DNM3: variants seen among roughly 807,000 people sequenced by gnomAD.
DNM3 encodes dynamin 3.
In DNM3, 47 loss-of-function variants were observed where a neutral mutation model predicts 101.6. The ratio of observed to expected loss-of-function variants is 0.46; its 90% CI spans 0.37 to 0.59. The LOEUF (loss-of-function observed/expected upper bound fraction) is 0.59, where lower values mean the gene tolerates loss of function less well. Among genes scored for constraint, DNM3 ranks in the 20% least tolerant of loss-of-function variants. The pLI is 0.00. For missense variants in DNM3, 849 were observed against 1,085.7 expected (o/e 0.78, Z 3.06); for synonymous variants, 385 against 387.9 (o/e 0.99, Z 0.09).
chr1:172,005,959 G>T (rs546760173), intron 4 of DNM3, among the ~76,000 whole-genome samples: 1 of 152,162 alleles, frequency 6.6e-6, no homozygotes, highest in Admixed American at 6.6e-5. Context: ...TCCTCCTGTT[G>T]CTGATAAGAA....
At chr1:172,136,996 G>T (rs1334273194) in intron 14 of DNM3, 1 of 152,076 alleles carries the variant, frequency 6.6e-6, no homozygotes, top group Non-Finnish European at 1.5e-5. Flanking sequence ...TGTTATCCTG[G>T]AGTGCCTCAC....
chr1:172,068,375 A>T (rs1201750941), intron 10 of DNM3, among the ~76,000 whole-genome samples: 1 of 152,138 alleles, frequency 6.6e-6, no homozygotes, highest in Non-Finnish European at 1.5e-5. Flanking sequence ...GTTAATAATT[A>T]TATCTGTCTT....
chr1:172,404,004 T>A (rs1427060080), intron 20 of DNM3, among the ~76,000 whole-genome samples: 1 of 152,162 alleles, frequency 6.6e-6, no homozygotes, highest in Non-Finnish European at 1.5e-5. Context: ...TAGCATTGCA[T>A]ATTAAGAAAA....
intron 1 of DNM3, among the ~76,000 whole-genome samples, chr1:171,878,686 AT>A (rs1262974135): frequency 6.6e-5 from 10 of 152,092 alleles, no homozygotes; most frequent in African/African-American, 2.4e-4. Flanking sequence ...TTTATATCAT[AT>A]TTTTATGTGA....
intron 17 of DNM3, among the ~76,000 whole-genome samples, chr1:172,353,505 G>A (rs2067287676): frequency 6.6e-6 from 1 of 152,068 alleles, no homozygotes; most frequent in African/African-American, 2.4e-5. Context: ...AGAGCCCCTA[G>A]CTGAAATGTA....
In DNM3 at chr1:172,408,183, C is replaced by T. The variant is rs965137371; in HGVS notation, c.*342C>T. The T allele has an allele frequency of 9.3e-6, 10 of 1,076,094 alleles. No homozygotes were observed. The Admixed American group carries it at 1.4e-4, about 15-fold the overall frequency. The allele number at this position is 1,076,094 out of a possible 1,614,324, so 66.7% of individuals were successfully genotyped here. On this transcript the variant is annotated 3_prime_UTR_variant, in exon 21 of 21. Transcript: ENST00000627582. The stretch of plus-strand genomic sequence containing the variant: ...GCTATCTACCAGGTAGCTCATTAAA[C>T]GTAATTCTTCAGATATGAGATAGTG...
At chr1:172,226,039 A>G (rs1029625059) in intron 14 of DNM3, among the ~76,000 whole-genome samples, 1 of 152,188 alleles carries the variant, frequency 6.6e-6, no homozygotes, top group South Asian at 2.1e-4. Context: ...CCAGCATCCT[A>G]TAAGTTTAGT....
At chr1:171,844,738 A>G (rs1198101581) in intron 1 of DNM3, among the ~76,000 whole-genome samples, 1 of 152,238 alleles carries the variant, frequency 6.6e-6, no homozygotes, top group African/African-American at 2.4e-5. Flanking sequence ...TGGCAATGAG[A>G]GGCAGCTTAA....
chr1:171,935,283 A>G (rs901515328), intron 2 of DNM3, among the ~76,000 whole-genome samples: 4 of 152,166 alleles, frequency 2.6e-5, no homozygotes, highest in African/African-American at 7.2e-5. Context: ...CCGAGCCAAA[A>G]AATTAGAGGC....
At chr1:172,039,724 C>T (rs1291940427) in intron 7 of DNM3, among the ~76,000 whole-genome samples, 2 of 151,976 alleles carry the variant, frequency 1.3e-5, no homozygotes, top group Non-Finnish European at 1.5e-5. Flanking sequence ...TTCTTTATGG[C>T]CCTATTCTTT....
At chr1:172,209,895 A>G (rs975043093) in intron 14 of DNM3, among the ~76,000 whole-genome samples, 17 of 152,270 alleles carry the variant, frequency 1.1e-4, no homozygotes, top group African/African-American at 4.1e-4. Flanking sequence ...GTAAGATGAT[A>G]TAATACAACC....
At chr1:172,355,693 C>T (rs1426217698) in intron 17 of DNM3, among the ~76,000 whole-genome samples, 1 of 152,050 alleles carries the variant, frequency 6.6e-6, no homozygotes, top group Non-Finnish European at 1.5e-5. Flanking sequence ...AGCTCCTATA[C>T]ACGATTGGAT....
chr1:172,334,761 G>T (rs960468910), intron 17 of DNM3, among the ~76,000 whole-genome samples: 1 of 152,068 alleles, frequency 6.6e-6, no homozygotes, highest in Non-Finnish European at 1.5e-5. Flanking sequence ...TAACCAAACA[G>T]ATTTTCATAC....
chr1:172,121,099 A>T (rs2148012625), intron 13 of DNM3, among the ~76,000 whole-genome samples: 1 of 152,342 alleles, frequency 6.6e-6, no homozygotes, highest in South Asian at 2.1e-4. Context: ...GAATGTGAGA[A>T]ATAGATGACA....
chr1:172,147,163 T>C (rs756843921), intron 14 of DNM3, among the ~76,000 whole-genome samples: 2 of 152,246 alleles, frequency 1.3e-5, no homozygotes, highest in Non-Finnish European at 2.9e-5. Context: ...TACCAGCAAC[T>C]GGGCATACAA....
rs920422128 is a variant in DNM3, at chr1:172,180,028, A to G, written c.1659+48740A>G. On this transcript the variant is annotated intron_variant, in intron 14 of 20. Coordinates refer to ENST00000627582, the MANE Select transcript of DNM3 (RefSeq NM_015569.5). The stretch of plus-strand genomic sequence containing the variant: ...TATCATACCGTGTCTCTGAGTTCTG[A>G]GTCAAATTTGCAGTGTTTTTGAAGC... 9.2e-5 allele frequency among the ~76,000 whole-genome samples: 14 copies of G among 151,982 alleles called. 1 individual carries two copies. The highest frequency in any genetic ancestry group is 2.1e-4 in the Non-Finnish European group (14 of 67,970).
intron 4 of DNM3, among the ~76,000 whole-genome samples, chr1:172,021,224 A>G (rs1284001837): frequency 1.3e-5 from 2 of 152,184 alleles, no homozygotes; most frequent in Non-Finnish European, 1.5e-5. Context: ...TAATCTCAAT[A>G]CTTTGGGAGG....
chr1:171,917,095 G>A (rs1272319868), intron 1 of DNM3, among the ~76,000 whole-genome samples: 1 of 152,096 alleles, frequency 6.6e-6, no homozygotes, highest in Non-Finnish European at 1.5e-5. Context: ...CCTCCTCCAA[G>A]GCTGAGCTTG....
At chr1:172,025,590 A>G (rs1304093022) in intron 4 of DNM3, among the ~76,000 whole-genome samples, 4 of 152,174 alleles carry the variant, frequency 2.6e-5, no homozygotes, top group Admixed American at 1.3e-4. Flanking sequence ...TCTGGGACGA[A>G]ACTTCCAGAG....
Sources: gnomAD v4.1 joint callset for allele counts (sites outside exome capture counted in the v4.1 genomes callset) on GRCh38, gnomAD v4.1.1 for gene constraint, MANE v1.5 for transcripts, NCBI Gene and HGNC (gene_info 2026-07-23, HGNC 2026-07-21) for gene names.